TBCD: variants seen among roughly 807,000 people sequenced by gnomAD.
TBCD encodes tubulin-specific chaperone D.
In TBCD, 105 loss-of-function variants were observed where a neutral mutation model predicts 169.3. The ratio of observed to expected loss-of-function variants is 0.62; its 90% CI spans 0.53 to 0.73. The LOEUF (loss-of-function observed/expected upper bound fraction) is 0.73, where lower values mean the gene tolerates loss of function less well. Among genes scored for constraint, TBCD ranks in the 30% least tolerant of loss-of-function variants. The pLI is 0.00. For missense variants in TBCD, 1,444 were observed against 1,600.1 expected, an observed-to-expected ratio of 0.90 and a Z score of 1.66; for synonymous variants, 700 against 643.9, an observed-to-expected ratio of 1.09 and a Z score of -1.32.
chr17:82,788,544 A>G (rs1330912565), intron 7 of TBCD, among the ~76,000 whole-genome samples: 4 of 152,016 alleles, frequency 2.6e-5, no homozygotes, highest in Non-Finnish European at 4.4e-5. Context: ...CAAAAGCACA[A>G]CTCTTGTTAA....
intron 27 of TBCD, 77 bp downstream of exon 27, chr17:82,925,134 C>T (rs977908875): frequency 5.2e-6 from 6 of 1,162,776 alleles, no homozygotes; most frequent in East Asian, 2.6e-5. Context: ...ATGAGGTAGG[C>T]CCAGCCGTTA....
intron 13 of TBCD, among the ~76,000 whole-genome samples, chr17:82,837,935 A>C (rs1044488762): frequency 1.3e-5 from 2 of 152,242 alleles, no homozygotes; most frequent in African/African-American, 4.8e-5. Context: ...AGTGGCTTCA[A>C]ACATGCTCAG....
intron 2 of TBCD, among the ~76,000 whole-genome samples, chr17:82,761,598 T>A (rs945913164): frequency 6.6e-6 from 1 of 152,208 alleles, no homozygotes; most frequent in Admixed American, 6.5e-5. Flanking sequence ...TCTAGAATCA[T>A]TCAGTATGTG....
In TBCD at chr17:82,893,612, C is replaced by G. The variant is rs369352813; in HGVS notation, c.1629C>G (p.Ser543=). The change falls in exon 17 of 39, where the codon TCC becomes TCG. Residue 543 remains serine (S), a synonymous_variant. Transcript: ENST00000355528. ...TADYFAVGNR[S]NCFLVISVFI... is the part of the protein sequence containing the mutation. ...ACTATTTTGCCGTCGGTAACAGATCCAACTGTTTCCTGGTTATAAGGTAAG... is the reference window on the plus strand; with the variant it reads ...ACTATTTTGCCGTCGGTAACAGATCGAACTGTTTCCTGGTTATAAGGTAAG... The G allele has an allele frequency of 1.9e-5, 30 of 1,609,258 alleles. No individual in the cohort carries two copies. The East Asian group carries it at 2.9e-4, about 16-fold the overall frequency.
intron 37 of TBCD, 31 bp from the exon 38 acceptor site, chr17:82,941,368 G>C (rs769749094): frequency 1.9e-6 from 3 of 1,554,958 alleles, no homozygotes; most frequent in South Asian, 2.3e-5. Context: ...GTGGGCACTC[G>C]AGAGACTCAC....
At chr17:82,805,803 T>C in intron 9 of TBCD, 72 bp from the exon 10 acceptor site, 1 of 1,520,524 alleles carries the variant, frequency 6.6e-7, no homozygotes. Flanking sequence ...AAAGTGACAC[T>C]GAATGACTGG....
chr17:82,830,832 G>A (rs1355427951), intron 13 of TBCD: 1 of 1,613,294 alleles, frequency 6.2e-7, no homozygotes, highest in East Asian at 2.2e-5. Context: ...AGACGAGAGA[G>A]GCGCTTCCGG....
chr17:82,808,070 A>G (rs914270217), intron 11 of TBCD, among the ~76,000 whole-genome samples: 8 of 152,120 alleles, frequency 5.3e-5, no homozygotes, highest in Non-Finnish European at 1.0e-4. Flanking sequence ...TTCACCCCTC[A>G]CTAGCACCTG....
intron 13 of TBCD, chr17:82,830,694 G>A (rs776087579): frequency 1.2e-6 from 2 of 1,614,164 alleles, no homozygotes; most frequent in Non-Finnish European, 1.7e-6. Context: ...AGAAGCTGGC[G>A]GTTTCCGCCT....
intron 13 of TBCD, among the ~76,000 whole-genome samples, chr17:82,860,723 C>T (rs139601436): frequency 1.1e-4 from 16 of 152,304 alleles, no homozygotes; most frequent in African/African-American, 3.4e-4. Context: ...TCTCCCTGGA[C>T]GGGGTTCGGT....
intron 13 of TBCD, among the ~76,000 whole-genome samples, chr17:82,855,746 G>A (rs778062288): frequency 6.6e-6 from 1 of 152,022 alleles, no homozygotes; most frequent in Non-Finnish European, 1.5e-5. Flanking sequence ...TTTTGTCACC[G>A]AAAAAATACT....
At chr17:82,940,098 G>A (rs1448937796) in intron 37 of TBCD, among the ~76,000 whole-genome samples, 1 of 152,130 alleles carries the variant, frequency 6.6e-6, no homozygotes, top group East Asian at 1.9e-4. Context: ...AGCAGAGTGG[G>A]GAAAGTGCAG....
At chr17:82,875,500 C>T (rs964863996) in intron 14 of TBCD, among the ~76,000 whole-genome samples, 2 of 152,224 alleles carry the variant, frequency 1.3e-5, no homozygotes, top group Admixed American at 6.5e-5. Context: ...GTAAGCAGCT[C>T]ATGTTGACAT....
intron 7 of TBCD, among the ~76,000 whole-genome samples, chr17:82,787,592 C>T (rs991761370): frequency 2.0e-5 from 3 of 152,218 alleles, no homozygotes; most frequent in Non-Finnish European, 2.9e-5. Flanking sequence ...AGAGGCCGGG[C>T]GCCTGCTGTA....
chr17:82,752,563 C>T (rs1433791033), intron 1 of TBCD, among the ~76,000 whole-genome samples, 186 bp downstream of exon 1: 1 of 152,052 alleles, frequency 6.6e-6, no homozygotes, highest in Non-Finnish European at 1.5e-5. Flanking sequence ...CCCGGCGCGG[C>T]GTTAGGTGCA....
chr17:82,846,311 G>GCGTCCGGCATGCCACATCCCCT (rs1567879164), intron 13 of TBCD, among the ~76,000 whole-genome samples: 2 of 135,222 alleles, frequency 1.5e-5, no homozygotes, highest in Non-Finnish European at 3.3e-5. Flanking sequence ...TCCACGTGCT[G>GCGTCCGGCATGCCACATCCCCT]CGTCCAGCGT....
chr17:82,778,853 G>T (rs2048761906), intron 6 of TBCD, among the ~76,000 whole-genome samples: 2 of 152,048 alleles, frequency 1.3e-5, no homozygotes, highest in South Asian at 4.2e-4. Flanking sequence ...GTAGAGACGG[G>T]GTTTCACCAT....
chr17:82,805,359 C>G (rs1034420266), intron 9 of TBCD, among the ~76,000 whole-genome samples: 1 of 152,214 alleles, frequency 6.6e-6, no homozygotes, highest in African/African-American at 2.4e-5. Context: ...GATGACAATG[C>G]AGGTTCCCCA....
chr17:82,942,060 T>TG, intron 38 of TBCD: 1 of 338,326 alleles, frequency 3.0e-6, no homozygotes, highest in Non-Finnish European at 5.4e-6. Context: ...TCTAGATACA[T>TG]GGGGGCAGTG....
Sources: gnomAD v4.1 joint callset for allele counts (sites outside exome capture counted in the v4.1 genomes callset) on GRCh38, gnomAD v4.1.1 for gene constraint, MANE v1.5 for transcripts, NCBI Gene and HGNC (gene_info 2026-07-23, HGNC 2026-07-21) for gene names.